TTC21B: variants seen among roughly 807,000 people sequenced by gnomAD.
The protein encoded by TTC21B is tetratricopeptide repeat protein 21B.
In TTC21B, 127 loss-of-function variants were observed where a neutral mutation model predicts 175.1. The observed-to-expected ratio is 0.73, with a 90% CI of 0.63 to 0.84. The LOEUF is 0.84. TTC21B is among the 40% of genes least tolerant of loss of function. The pLI is 0.00. For synonymous variants in TTC21B, 524 were observed against 524.5 expected, an observed-to-expected ratio of 1.00 and a Z score of 0.01; for missense variants, 1,561 against 1,558.3, an observed-to-expected ratio of 1.00 and a Z score of -0.03.
chr2:165,887,134 A>G (rs1685023000), intron 25 of TTC21B, among the ~76,000 whole-genome samples: 1 of 152,176 alleles, frequency 6.6e-6, no homozygotes, highest in Non-Finnish European at 1.5e-5. Flanking sequence ...CCAGGGCCCT[A>G]AAAGGTGAGG....
At chr2:165,952,812 T>C (rs919790986) in intron 1 of TTC21B, among the ~76,000 whole-genome samples, 21 of 152,254 alleles carry the variant, frequency 1.4e-4, no homozygotes, top group African/African-American at 5.1e-4. Context: ...ATTTACCTAC[T>C]TGTTGTCTGA....
chr2:165,882,865 TCAG>T (rs146382750), intron 26 of TTC21B, among the ~76,000 whole-genome samples: 3,589 of 152,254 alleles, frequency 0.024, 144 homozygotes, highest in African/African-American at 0.082. Flanking sequence ...GGTAAACTAT[TCAG>T]CAGTTTAGAT....
chr2:165,899,419 C>T (rs1484767309), intron 21 of TTC21B, among the ~76,000 whole-genome samples: 5 of 152,106 alleles, frequency 3.3e-5, no homozygotes, highest in East Asian at 1.9e-4. Context: ...AAAAATTCCA[C>T]CCAAACTCTT....
chr2:165,902,069 T>C (rs965500687), intron 19 of TTC21B, among the ~76,000 whole-genome samples, 159 bp from the exon 20 acceptor site: 2 of 152,228 alleles, frequency 1.3e-5, no homozygotes, highest in African/African-American at 4.8e-5. Context: ...ATCTCAAGCA[T>C]GCACTTATTT....
Position 165,924,678 on chromosome 2 carries a change from G to C in TTC21B, c.1387C>G (p.Pro463Ala), listed in dbSNP as rs16851307. 8.1e-6 allele frequency: 13 copies of C among 1,613,076 alleles called. No individual in the cohort carries two copies. Among genetic ancestry groups the C allele is most frequent in the Non-Finnish European group, 1.1e-5 (13 of 1,179,456 alleles). Reference protein sequence around the residue: ...MEYLSFCPMQPASPGQPLCPL... With the variant: ...MEYLSFCPMQAASPGQPLCPL... ...CAAAGAGGTTGCCCAGGACTTGCAG[G>C]CTAAACAAAACAAATCAGCAGATCA... is the stretch of plus-strand genomic sequence containing the variant. The change falls in exon 12 of 29, where the codon CCT becomes GCT. Residue 463 changes from proline to alanine, a missense_variant and splice_region_variant. Transcript: ENST00000243344.
At chr2:165,923,442 CTTT>C (rs772438655) in intron 12 of TTC21B, among the ~76,000 whole-genome samples, 2 of 130,324 alleles carry the variant, frequency 1.5e-5, no homozygotes, top group South Asian at 4.8e-4. Flanking sequence ...ATATGATGGT[CTTT>C]TTTTTTTTTT....
chr2:165,877,110 A>G (rs1162834897), intron 27 of TTC21B, among the ~76,000 whole-genome samples: 1 of 152,208 alleles, frequency 6.6e-6, no homozygotes, highest in South Asian at 2.1e-4. Flanking sequence ...CTAAGAAGAC[A>G]AGAAAAGTAA....
rs753564394 is a variant in TTC21B at position 165,931,875 on chromosome 2, GT to G, written c.796-20del. 2 of 1,537,108 alleles carry G rather than the reference GT, an allele frequency of 1.3e-6. No homozygotes were observed. Among genetic ancestry groups the G allele is most frequent in the Non-Finnish European group, 1.8e-6 (2 of 1,110,394 alleles). On this transcript the variant is annotated intron_variant, in intron 7 of 28. Coordinates refer to ENST00000243344, the MANE Select transcript of TTC21B (RefSeq NM_024753.5). ...TGGAAGCCTAAAACAAAAGGAACTG[GT>G]ATTAACTTAAAATATACTAAGTAAA...
intron 5 of TTC21B, among the ~76,000 whole-genome samples, chr2:165,941,810 T>A (rs1282811434): frequency 1.3e-5 from 2 of 152,126 alleles, no homozygotes; most frequent in Non-Finnish European, 2.9e-5. Flanking sequence ...TGTTAAGTAA[T>A]CATTAAAAAT....
chr2:165,934,550 T>TA (rs1326211716), intron 6 of TTC21B, among the ~76,000 whole-genome samples: 5 of 145,568 alleles, frequency 3.4e-5, no homozygotes, highest in African/African-American at 1.0e-4. Flanking sequence ...ATGGAGAACT[T>TA]GTGATAAAAA....
At position 165,911,388 on chromosome 2, in the gene TTC21B, T is replaced by C. The variant is rs772090418; in HGVS notation, c.2400A>G (p.Leu800=). The change falls in exon 18 of 29, where the codon TTA becomes TTG. Residue 800 remains leucine, a synonymous_variant. Coordinates refer to ENST00000243344, the MANE Select transcript of TTC21B (RefSeq NM_024753.5). ...YLCYDLAELL[L]KLKWYDKAEK... ...CTGCTTTGTCATACCATTTCAATTT[T>C]AATAAGAGCTCAGCCAGGTCATAGC... The C allele has an allele frequency of 1.9e-6, 3 of 1,613,810 alleles. No homozygotes were observed. The highest frequency in any genetic ancestry group is 2.5e-6 in the Non-Finnish European group (3 of 1,179,922).
At position 165,927,289 on chromosome 2, in the gene TTC21B, AG is replaced by A. The variant is rs1203579850; in HGVS notation, c.1386+1845del. 1.3e-3 allele frequency among the ~76,000 whole-genome samples: 127 copies of A among 96,614 alleles called. 1 individual carries two copies. The highest frequency in any genetic ancestry group is 1.7e-3 in the Non-Finnish European group (89 of 52,472). 63.4% of individuals were successfully genotyped at this position (96,614 alleles called of 152,430 possible). A position where few individuals can be genotyped will look rare whatever the true frequency, so the allele number is the denominator to read the frequency against. On this transcript the variant is annotated intron_variant, in intron 11 of 28. Coordinates refer to ENST00000243344, the MANE Select transcript of TTC21B (RefSeq NM_024753.5). The stretch of plus-strand genomic sequence containing the variant: ...TAGTAGTTATATATATATATATCCT[AG>A]TAGTTATATATATATATTATATATT...
At chr2:165,898,829 A>C in intron 21 of TTC21B, 62 bp from the exon 22 acceptor site, 1 of 1,042,054 alleles carries the variant, frequency 9.6e-7, no homozygotes, top group Non-Finnish European at 1.5e-6. Context: ...ATGTTCTTCC[A>C]ATCAAGATTT....
At chr2:165,881,414 C>T (rs1372355181) in intron 26 of TTC21B, among the ~76,000 whole-genome samples, 1 of 152,070 alleles carries the variant, frequency 6.6e-6, no homozygotes, top group Non-Finnish European at 1.5e-5. Context: ...GAAATAAGGA[C>T]CAAACATTGT....
chr2:165,949,836 C>A (rs1348990193), intron 1 of TTC21B, 112 bp from the exon 2 acceptor site: 5 of 1,076,688 alleles, frequency 4.6e-6, no homozygotes, highest in Non-Finnish European at 6.7e-6. Flanking sequence ...GGCAATGTGA[C>A]TTTTTTCTTC....
intron 11 of TTC21B, among the ~76,000 whole-genome samples, chr2:165,926,649 T>G (rs1273695954): frequency 6.6e-6 from 1 of 152,090 alleles, no homozygotes; most frequent in South Asian, 2.1e-4. Flanking sequence ...GTGAGGATGT[T>G]GCCAAAGGAG....
intron 5 of TTC21B, among the ~76,000 whole-genome samples, chr2:165,941,608 G>C (rs552700034): frequency 6.6e-6 from 1 of 152,044 alleles, no homozygotes; most frequent in Non-Finnish European, 1.5e-5. Context: ...TGATTTTAAA[G>C]AACAAGCAAA....
chr2:165,913,735 T>C (rs751563236), intron 15 of TTC21B, 89 bp from the exon 16 acceptor site: 1 of 1,149,884 alleles, frequency 8.7e-7, no homozygotes, highest in Non-Finnish European at 1.3e-6. Context: ...CTCCCTTATT[T>C]TAGTTAGCCA....
intron 5 of TTC21B, among the ~76,000 whole-genome samples, chr2:165,942,984 A>T (rs1352248697): frequency 1.3e-5 from 2 of 150,532 alleles, no homozygotes; most frequent in African/African-American, 4.8e-5. Context: ...GAACCAAAAC[A>T]ACAACAACAA....
Sources: gnomAD v4.1 joint callset for allele counts (sites outside exome capture counted in the v4.1 genomes callset) on GRCh38, gnomAD v4.1.1 for gene constraint, MANE v1.5 for transcripts, NCBI Gene and HGNC (gene_info 2026-07-23, HGNC 2026-07-21) for gene names.